PLAC1: variants seen among roughly 807,000 people sequenced by gnomAD.
The protein encoded by PLAC1 is placenta associated 1.
For missense variants in PLAC1, 136 were observed against 163.2 expected (o/e 0.83, Z 0.91); for synonymous variants, 68 against 62.1 (o/e 1.09, Z -0.44).
At chrX:134,636,770 C>T (rs767038118) in intron 1 of PLAC1, among the ~76,000 whole-genome samples, 12 of 112,209 alleles carry the variant, frequency 1.1e-4, no homozygotes, top group Non-Finnish European at 2.1e-4. Context: ...GCAGACAATT[C>T]GCATGACCTC....
At chrX:134,581,731 G>A (rs1005753370) in intron 2 of PLAC1, among the ~76,000 whole-genome samples, 1 of 110,376 alleles carries the variant, frequency 9.1e-6, no homozygotes, top group African/African-American at 3.3e-5. Flanking sequence ...CACCCGCCTC[G>A]GCCTCCCAAA....
upstream of PLAC1, among the ~76,000 whole-genome samples, chrX:134,661,257 T>C (rs2078415440): frequency 8.9e-6 from 1 of 111,946 alleles, no homozygotes; most frequent in Non-Finnish European, 1.9e-5. Flanking sequence ...AAGGTACTAA[T>C]GTAAAGTATA....
intron 2 of PLAC1, among the ~76,000 whole-genome samples, chrX:134,685,866 C>T (rs926018641): frequency 2.7e-5 from 3 of 110,717 alleles, no homozygotes; most frequent in East Asian, 2.8e-4. Flanking sequence ...AAGACAGAGA[C>T]ATTCATTTTC....
chrX:134,601,615 C>T (rs1485306040), intron 2 of PLAC1: 2 of 112,282 alleles, frequency 1.8e-5, no homozygotes, highest in Non-Finnish European at 3.8e-5. Flanking sequence ...TAGACTCTCT[C>T]CTGTTATACA....
chrX:134,665,343 G>T (rs962499775), intron 2 of PLAC1, among the ~76,000 whole-genome samples: 3 of 111,504 alleles, frequency 2.7e-5, no homozygotes, highest in Non-Finnish European at 5.6e-5. Flanking sequence ...TGTGTGTCTG[G>T]TTTCTTTAGC....
intron 2 of PLAC1, among the ~76,000 whole-genome samples, chrX:134,663,812 G>A (rs2078425823): frequency 8.9e-6 from 1 of 112,190 alleles, no homozygotes; most frequent in Non-Finnish European, 1.9e-5. Context: ...CCATCAAGGA[G>A]CATTCAACAA....
At chrX:134,662,269 A>C, upstream of PLAC1, among the ~76,000 whole-genome samples, 1 of 111,715 alleles carries the variant, frequency 9.0e-6, no homozygotes, top group Non-Finnish European at 1.9e-5. Flanking sequence ...AAGCTAATAC[A>C]TATGCGAAAC....
chrX:134,643,356 T>A (rs1021541513), intron 1 of PLAC1, among the ~76,000 whole-genome samples: 4 of 111,147 alleles, frequency 3.6e-5, no homozygotes, highest in Admixed American at 1.9e-4. Context: ...GAACAGATAA[T>A]CCCTTTACCA....
chrX:134,715,841 GGT>G (rs1249739796), intron 2 of PLAC1, among the ~76,000 whole-genome samples: 1 of 112,569 alleles, frequency 8.9e-6, no homozygotes, highest in African/African-American at 3.2e-5. Context: ...CTGAGACTGG[GGT>G]GTGTGTGTTA....
At chrX:134,616,365 A>G (rs766319970) in intron 1 of PLAC1, among the ~76,000 whole-genome samples, 117 of 111,903 alleles carry the variant, frequency 1.0e-3, no homozygotes, top group African/African-American at 3.6e-3. Context: ...AGCTGGGCGC[A>G]GTGGCTCACG....
intron 1 of PLAC1, among the ~76,000 whole-genome samples, chrX:134,624,678 T>C (rs747636826): frequency 2.7e-5 from 3 of 111,735 alleles, no homozygotes; most frequent in Non-Finnish European, 3.8e-5. Flanking sequence ...ACCTGGGGCT[T>C]TGTATGTGGT....
chrX:134,711,653 A>G (rs1184265883), intron 2 of PLAC1, among the ~76,000 whole-genome samples: 1 of 112,149 alleles, frequency 8.9e-6, no homozygotes, highest in African/African-American at 3.2e-5. Context: ...GTCGCTTTAC[A>G]TGGAGGAGAA....
chrX:134,661,666 T>C (rs180916588), upstream of PLAC1, among the ~76,000 whole-genome samples: 122 of 112,200 alleles, frequency 1.1e-3, no homozygotes, highest in African/African-American at 3.7e-3. Flanking sequence ...AAATAACATC[T>C]AAAATCATTT....
intron 2 of PLAC1, among the ~76,000 whole-genome samples, chrX:134,663,916 CT>C (rs373599302): frequency 1.5e-3 from 171 of 110,712 alleles, no homozygotes; most frequent in African/African-American, 5.4e-3. Context: ...TTCATCTTTG[CT>C]CTGCTAACAG....
At chrX:134,602,770 G>A (rs2078094766) in intron 1 of PLAC1, among the ~76,000 whole-genome samples, 1 of 110,093 alleles carries the variant, frequency 9.1e-6, no homozygotes, top group South Asian at 3.9e-4. Context: ...AGACAAAATT[G>A]TAGCAACAAA....
At chrX:134,576,375 A>G (rs1033289469) in intron 2 of PLAC1, among the ~76,000 whole-genome samples, 3 of 109,014 alleles carry the variant, frequency 2.8e-5, no homozygotes, top group East Asian at 5.7e-4. Context: ...TGTCTCTACT[A>G]AAAACACAAA....
intron 1 of PLAC1, among the ~76,000 whole-genome samples, chrX:134,748,336 A>G (rs758457477): frequency 2.8e-4 from 31 of 109,922 alleles, no homozygotes; most frequent in African/African-American, 1.0e-3. Flanking sequence ...ATCTCAAAAA[A>G]AAAAAAAAAA....
chrX:134,594,980 T>C (rs2078055950), intron 2 of PLAC1, among the ~76,000 whole-genome samples: 1 of 108,756 alleles, frequency 9.2e-6, no homozygotes, highest in African/African-American at 3.3e-5. Flanking sequence ...TCCTCTTTTC[T>C]AATGTATAAT....
At chrX:134,749,814 G>C (rs1291579802) in intron 1 of PLAC1, among the ~76,000 whole-genome samples, 2 of 111,475 alleles carry the variant, frequency 1.8e-5, no homozygotes. Flanking sequence ...AGAACATCTG[G>C]AAAGAGTGTT....
Sources: gnomAD v4.1 joint callset for allele counts (sites outside exome capture counted in the v4.1 genomes callset) on GRCh38, gnomAD v4.1.1 for gene constraint, MANE v1.5 for transcripts, NCBI Gene and HGNC (gene_info 2026-07-23, HGNC 2026-07-21) for gene names.